PPP2R2D: variants seen among roughly 807,000 people sequenced by gnomAD.
PPP2R2D encodes serine/threonine-protein phosphatase 2A 55 kDa regulatory subunit B delta isoform.
In PPP2R2D, 9 loss-of-function variants were observed where a neutral mutation model predicts 31.1. The observed-to-expected ratio is 0.29, with a 90% CI of 0.17 to 0.51. PPP2R2D has a LOEUF of 0.51. PPP2R2D is among the 20% of genes least tolerant of loss of function. The pLI, the probability that PPP2R2D is intolerant of heterozygous loss-of-function variation, is 0.98. For missense variants in PPP2R2D, 391 were observed against 465.6 expected (o/e 0.84, Z 1.48); for synonymous variants, 179 against 172.6 (o/e 1.04, Z -0.29).
intron 3 of PPP2R2D, 182 bp from the exon 4 acceptor site, chr10:131,939,831 TAGAAGTGGAGTCGAAGAG>T (rs2036410693): frequency 5.7e-6 from 2 of 348,432 alleles, no homozygotes; most frequent in Admixed American, 9.1e-5. Context: ...GATGCATACC[TAGAAGTGGAGTCGAAGAG>T]TCGGAAATCA....
intron 2 of PPP2R2D, among the ~76,000 whole-genome samples, chr10:131,929,958 G>A (rs189890307): frequency 4.6e-5 from 7 of 152,048 alleles, no homozygotes; most frequent in African/African-American, 1.7e-4. Context: ...CCGTGGTTTC[G>A]AACCGTCAGT....
rs1229531944 is a variant in PPP2R2D at position 131,901,020 on chromosome 10, CCGGCGGCGGCGGCGG to C, written c.-117_-103del. 1.4e-4 allele frequency: 21 copies of C among 154,104 alleles called. No individual in the cohort carries two copies. Among genetic ancestry groups the C allele is most frequent in the South Asian group, 1.2e-3 (7 of 5,630 alleles). 9.5% of individuals were successfully genotyped at this position (154,104 alleles called of 1,614,324 possible). On this transcript the variant is annotated 5_prime_UTR_variant, in exon 1 of 9. Transcript: ENST00000455566. ...TTTGAAAAGGGAAAAAAATCCCTCC[CCGGCGGCGGCGGCGG>C]CGGCGGCGGCGCCGGCGGTGGTGGC...
chr10:131,914,695 A>G (rs2035746052), intron 2 of PPP2R2D, among the ~76,000 whole-genome samples: 1 of 152,220 alleles, frequency 6.6e-6, no homozygotes, highest in Admixed American at 6.5e-5. Context: ...TGAAAACAGC[A>G]GCTTTTGCAG....
Position 131,934,428 on chromosome 10 carries a change from C to T in PPP2R2D, c.101-30C>T, listed in dbSNP as rs143396801. ...TGTGACTCCTCCCCAAAACCGCATC[C>T]GGTAAATCGCTTCTGTATTTTGTTG... On this transcript the variant is annotated intron_variant, in intron 2 of 8. Coordinates refer to ENST00000455566, the MANE Select transcript of PPP2R2D (RefSeq NM_018461.5). 185 of 758,402 alleles carry T rather than the reference C, an allele frequency of 2.4e-4. No individual in the cohort carries two copies. The African/African-American group carries it at 2.5e-3, about 10-fold the overall frequency. The allele number at this position is 758,402 out of a possible 1,614,324, so 47.0% of individuals were successfully genotyped here.
intron 2 of PPP2R2D, among the ~76,000 whole-genome samples, chr10:131,903,757 A>G (rs1337157027): frequency 1.3e-5 from 2 of 152,234 alleles, no homozygotes; most frequent in African/African-American, 4.8e-5. Context: ...GATTTGTCCC[A>G]TAGTTGTGAT....
chr10:131,926,518 C>T (rs993625631), intron 2 of PPP2R2D, among the ~76,000 whole-genome samples: 6 of 152,134 alleles, frequency 3.9e-5, no homozygotes, highest in East Asian at 3.9e-4. Flanking sequence ...CTCCACAAAA[C>T]ATTAAAAAAG....
intron 2 of PPP2R2D, chr10:131,912,026 A>G (rs2035693260): frequency 6.6e-6 from 1 of 152,224 alleles, no homozygotes; most frequent in Non-Finnish European, 1.5e-5. Flanking sequence ...CACTGCTCCT[A>G]ACTGTATCTT....
At chr10:131,908,716 A>G (rs2035637176) in intron 2 of PPP2R2D, among the ~76,000 whole-genome samples, 1 of 152,228 alleles carries the variant, frequency 6.6e-6, no homozygotes, top group African/African-American at 2.4e-5. Flanking sequence ...AAGATTCCAG[A>G]AAATGTATGG....
intron 3 of PPP2R2D, among the ~76,000 whole-genome samples, chr10:131,939,033 C>T (rs1258513381): frequency 1.3e-5 from 2 of 152,274 alleles, no homozygotes; most frequent in African/African-American, 4.8e-5. Flanking sequence ...TATGTGCACA[C>T]ATGGGCCTGA....
chr10:131,917,674 T>A lies in PPP2R2D; in HGVS notation c.100+16344T>A, dbSNP rs1341722282. On this transcript the variant is annotated intron_variant, in intron 2 of 8. Transcript: ENST00000455566. ...ACACAGTGTAGGGACCTCATGTGGG[T>A]GGAATGACAGTGTAGGGACCTCAGG... 2.9e-5 allele frequency among the ~76,000 whole-genome samples: 3 copies of A among 102,948 alleles called. 1 individual carries two copies. Among genetic ancestry groups the A allele is most frequent in the African/African-American group, 1.2e-4 (3 of 25,770 alleles). The allele number at this position is 102,948 out of a possible 152,430, so 67.5% of individuals were successfully genotyped here. A position where few individuals can be genotyped will look rare whatever the true frequency, so the allele number is the denominator to read the frequency against.
rs2036562862 is a variant in PPP2R2D, at chr10:131,947,448, G to A, written c.821-82G>A. 1.4e-5 allele frequency: 21 copies of A among 1,448,512 alleles called. No individual in the cohort carries two copies. Among genetic ancestry groups the A allele is most frequent in the Middle Eastern group, 2.5e-4 (1 of 4,056 alleles). 89.7% of individuals were successfully genotyped at this position (1,448,512 alleles called of 1,614,324 possible). ...AGCCCTTCCAGAGTCTCTCTGAAGG[G>A]GCCACTTCCTACTTGAACTTGAAAA... On this transcript the variant is annotated intron_variant, in intron 7 of 8. Coordinates refer to ENST00000455566, the MANE Select transcript of PPP2R2D (RefSeq NM_018461.5). This position sits in a 1 kb window ranked among gnomAD's most constrained non-coding sequence, Gnocchi z 4.3.
intron 8 of PPP2R2D, among the ~76,000 whole-genome samples, chr10:131,953,450 A>T (rs1243989706): frequency 1.3e-4 from 9 of 71,054 alleles, no homozygotes; most frequent in African/African-American, 2.3e-4. Flanking sequence ...AGTGACTTGC[A>T]GGTGTGCGGG....
chr10:131,917,010 G>GCGTT (rs1589928430), intron 2 of PPP2R2D, among the ~76,000 whole-genome samples: 1 of 133,512 alleles, frequency 7.5e-6, no homozygotes, highest in East Asian at 2.3e-4. Flanking sequence ...GAATGACACA[G>GCGTT]TGTAGGGACC....
downstream of PPP2R2D, among the ~76,000 whole-genome samples, chr10:131,962,338 G>A (rs188199794): frequency 1.2e-3 from 186 of 152,188 alleles, 1 homozygote; most frequent in African/African-American, 4.4e-3. Flanking sequence ...AGCTCCACGC[G>A]GTCACCTTCA....
intron 7 of PPP2R2D, among the ~76,000 whole-genome samples, chr10:131,946,551 T>C (rs782073295): frequency 2.0e-5 from 3 of 152,242 alleles, no homozygotes; most frequent in Non-Finnish European, 2.9e-5. Flanking sequence ...TCTACTAGAA[T>C]TCCTGCGATG....
rs1554897104 is a variant in PPP2R2D, at chr10:131,940,666, G to A, written c.449G>A (p.Arg150Gln). ...CTGAAAGACGAAGATGGAAGACTTC[G>A]AGACCCATTTAGGATCACGGCGCTA... ...YNLKDEDGRL[R>Q]DPFRITALRV... Residue 150 changes from arginine to glutamine, a missense_variant, in exon 5 of 9, where the codon CGA becomes CAA. By Grantham distance (43) the Arg-to-Gln change is conservative (BLOSUM62 1). This residue lies in a region of PPP2R2D where 105 missense variants were observed against 98.5 expected (regional missense o/e 1.07). Coordinates refer to ENST00000455566, the MANE Select transcript of PPP2R2D (RefSeq NM_018461.5). 3 of 778,446 alleles carry A rather than the reference G, an allele frequency of 3.9e-6. No individual in the cohort carries two copies. The highest frequency in any genetic ancestry group is 2.4e-5 in the East Asian group (1 of 41,226). The allele number at this position is 778,446 out of a possible 1,614,324, so 48.2% of individuals were successfully genotyped here.
At chr10:131,964,674 T>G (rs959047900), downstream of PPP2R2D, among the ~76,000 whole-genome samples, 9 of 151,408 alleles carry the variant, frequency 5.9e-5, no homozygotes, top group African/African-American at 1.9e-4. Flanking sequence ...ATGTTTTTTT[T>G]TTTTTTTTTT....
At chr10:131,961,119 A>G (rs1287160362), downstream of PPP2R2D, among the ~76,000 whole-genome samples, 1 of 152,170 alleles carries the variant, frequency 6.6e-6, no homozygotes, top group Non-Finnish European at 1.5e-5. Flanking sequence ...GTGGAGCTGC[A>G]AGGGCCCACA....
chr10:131,916,291 A>T (rs1442734299), intron 2 of PPP2R2D, among the ~76,000 whole-genome samples: 1 of 150,756 alleles, frequency 6.6e-6, no homozygotes, highest in Non-Finnish European at 1.5e-5. Flanking sequence ...CACTTGACCT[A>T]CAGAGAGAAA....
Sources: allele counts gnomAD v4.1 joint callset (sites outside exome capture counted in the v4.1 genomes callset), GRCh38; gene constraint gnomAD v4.1.1; regional missense constraint gnomAD v4.1.1; non-coding constraint Gnocchi (gnomAD v3.1); transcripts MANE v1.5; gene names NCBI Gene and HGNC (gene_info 2026-07-23, HGNC 2026-07-21).